Variants in MCM10 observed in about 807,000 individuals in gnomAD.
MCM10 encodes the protein protein MCM10 homolog.
MCM10 carries 91 observed loss-of-function variants against 109.9 expected under a neutral mutation model. The observed-to-expected ratio is 0.83, with a 90% CI of 0.70 to 0.99. The LOEUF (loss-of-function observed/expected upper bound fraction) is 0.99, where lower values mean the gene tolerates loss of function less well. Among genes scored for constraint, MCM10 ranks in the 50% least tolerant of loss-of-function variants. The pLI is 0.00. For missense variants in MCM10, 1,077 were observed against 1,061.2 expected (o/e 1.01, Z -0.21); for synonymous variants, 380 against 387.2 (o/e 0.98, Z 0.22).
Position 13,186,162 on chromosome 10 carries a change from A to G in MCM10, c.1099-2A>G. The G allele has an allele frequency of 6.4e-7, 1 of 1,569,616 alleles. No homozygotes were observed. The highest frequency in any genetic ancestry group is 1.1e-5 in the South Asian group (1 of 89,410). On this transcript the variant is annotated splice_acceptor_variant, in intron 8 of 19. Coordinates refer to ENST00000378714, the MANE Select transcript of MCM10 (RefSeq NM_018518.5). LOFTEE classifies it high-confidence loss of function. ...TAACTCCTGCCCCACCTTTTCTTAC[A>G]GGTGTGTTTATCTATCGATCATCCT...
intron 10 of MCM10, among the ~76,000 whole-genome samples, chr10:13,189,295 C>G (rs190301558): frequency 6.6e-6 from 1 of 151,602 alleles, no homozygotes; most frequent in Admixed American, 6.6e-5. Flanking sequence ...TTGTGTTGGA[C>G]TTTAAGAGAG....
In MCM10 at chr10:13,186,289, C is replaced by T. The variant is rs763322359; in HGVS notation, c.1215+9C>T. 6.4e-7 allele frequency: 1 copy of T among 1,572,018 alleles called. No individual in the cohort carries two copies. Among genetic ancestry groups the T allele is most frequent in the South Asian group, 1.1e-5 (1 of 90,056 alleles). ...CGCAGACTGTGAATTTGGTTGGTTT[C>T]AGCCTTGTTAGGATGGTTTCTGCTA... is the stretch of plus-strand genomic sequence containing the variant. On this transcript the variant is annotated intron_variant, in intron 9 of 19. Transcript: ENST00000378714.
intron 18 of MCM10, among the ~76,000 whole-genome samples, chr10:13,208,020 T>C (rs917963592): frequency 4.0e-5 from 6 of 151,548 alleles, no homozygotes; most frequent in African/African-American, 1.5e-4. Context: ...GTAAACTTCA[T>C]AGGAAATAAG....
intron 6 of MCM10, among the ~76,000 whole-genome samples, chr10:13,180,208 G>A (rs970770063): frequency 4.0e-5 from 6 of 151,498 alleles, no homozygotes; most frequent in Admixed American, 1.3e-4. Flanking sequence ...CCAAAATTGC[G>A]CCACTGCACT....
At chr10:13,174,277 G>A (rs1243458499) in intron 5 of MCM10, among the ~76,000 whole-genome samples, 1 of 150,738 alleles carries the variant, frequency 6.6e-6, no homozygotes, top group African/African-American at 2.4e-5. Context: ...GGAGTAGCAT[G>A]CCCCACCATG....
In MCM10 at chr10:13,170,936, C is replaced by T. The variant is rs1385861603; in HGVS notation, c.22C>T (p.Leu8=). The change falls in exon 3 of 20, where the codon CTG becomes TTG. Residue 8 remains leucine (L), a synonymous_variant. Transcript: ENST00000378714. MDEEEDN[L]SLLTALLEEN... ...TTTTCCCCTAGAGGAGGAAGACAAT[C>T]TGTCTCTGCTGACCGCACTGCTGGA... The T allele has an allele frequency of 3.1e-6, 5 of 1,612,942 alleles. No homozygotes were observed. In the East Asian group the frequency reaches 8.9e-5, roughly 29 times the overall value.
At chr10:13,174,948 G>A (rs1588468016) in intron 5 of MCM10, among the ~76,000 whole-genome samples, 1 of 152,080 alleles carries the variant, frequency 6.6e-6, no homozygotes, top group Non-Finnish European at 1.5e-5. Context: ...GACCAACATG[G>A]AGAAACCCCA....
intron 9 of MCM10, among the ~76,000 whole-genome samples, chr10:13,187,389 C>T (rs146023046): frequency 6.6e-6 from 1 of 152,156 alleles, no homozygotes; most frequent in Non-Finnish European, 1.5e-5. Flanking sequence ...AGTTGATACA[C>T]GCTTGGGTTG....
In MCM10 at chr10:13,171,032, G is replaced by A. The variant is rs1018504619; in HGVS notation, c.118G>A (p.Asp40Asn). The change falls in exon 3 of 20, where the codon GAC becomes AAC. Residue 40 changes from aspartate to asparagine, a missense_variant. Transcript: ENST00000378714. Reference sequence around the variant, plus strand: ...CTTGACGCGGGAAAATGGCGAGCCCGACGCATTTGATGAGCTCTTTGATGC... The same window carrying A: ...CTTGACGCGGGAAAATGGCGAGCCCAACGCATTTGATGAGCTCTTTGATGC... ...NFLTRENGEP[D>N]AFDELFDADG... The A allele has an allele frequency of 3.1e-6, 5 of 1,614,086 alleles. No individual in the cohort carries two copies. The Admixed American group carries it at 5.0e-5, about 16-fold the overall frequency.
At chr10:13,197,825 T>C (rs1834442594) in intron 15 of MCM10, 58 bp downstream of exon 15, 7 of 1,555,952 alleles carry the variant, frequency 4.5e-6, no homozygotes, top group Non-Finnish European at 6.1e-6. Context: ...GGGAAATATG[T>C]TCTAAACCCA....
chr10:13,189,796 G>A lies in MCM10; in HGVS notation c.1415+716G>A, dbSNP rs1834323516. Among the ~76,000 whole-genome samples, 2 of 152,164 alleles carry A rather than the reference G, an allele frequency of 1.3e-5. 1 individual carries two copies. Among genetic ancestry groups the A allele is most frequent in the South Asian group, 4.1e-4 (2 of 4,820 alleles). ...TGAATATACTATGAAGCTTCACATG[G>A]GGAGTGGGGCGATGCTGGGCAGGCA... On this transcript the variant is annotated intron_variant, in intron 10 of 19. Transcript: ENST00000378714.
At chr10:13,188,096 G>A (rs1010924461) in intron 9 of MCM10, among the ~76,000 whole-genome samples, 24 of 152,018 alleles carry the variant, frequency 1.6e-4, no homozygotes, top group African/African-American at 5.3e-4. Context: ...AGTGGGCCAG[G>A]ATCACGCCAC....
At chr10:13,191,431 C>G in intron 11 of MCM10, 32 bp downstream of exon 11, 1 of 1,569,164 alleles carries the variant, frequency 6.4e-7, no homozygotes, top group Non-Finnish European at 8.8e-7. Context: ...AAATTTCTTT[C>G]TCCAGTTTAA....
chr10:13,179,512 C>G (rs547312536), intron 6 of MCM10, among the ~76,000 whole-genome samples: 1 of 152,306 alleles, frequency 6.6e-6, no homozygotes, highest in East Asian at 1.9e-4. Context: ...ATTGTTCAAA[C>G]TTAGCTCTGG....
At chr10:13,197,860 T>C in intron 15 of MCM10, 93 bp downstream of exon 15, 1 of 1,279,352 alleles carries the variant, frequency 7.8e-7, no homozygotes, top group African/African-American at 1.5e-5. Flanking sequence ...TATCAAGCAA[T>C]TACTTCCATT....
chr10:13,166,711 G>A (rs1250687961), intron 2 of MCM10, among the ~76,000 whole-genome samples: 1 of 147,866 alleles, frequency 6.8e-6, no homozygotes, highest in Admixed American at 6.7e-5. Context: ...AGTAAAGAGT[G>A]GGGAGTGGGC....
chr10:13,206,778 T>C (rs998227461), intron 18 of MCM10, among the ~76,000 whole-genome samples: 15 of 150,494 alleles, frequency 1.0e-4, no homozygotes, highest in African/African-American at 3.7e-4. Flanking sequence ...CCATGTTTTT[T>C]CTGGACTTTT....
chr10:13,198,472 T>TTC (rs1834451897), intron 15 of MCM10, among the ~76,000 whole-genome samples: 1 of 152,124 alleles, frequency 6.6e-6, no homozygotes, highest in Non-Finnish European at 1.5e-5. Context: ...GAAAAAGAGA[T>TTC]TCTATTTAGT....
chr10:13,200,398 A>G (rs1424765657), intron 16 of MCM10, among the ~76,000 whole-genome samples: 1 of 152,232 alleles, frequency 6.6e-6, no homozygotes, highest in East Asian at 1.9e-4. Flanking sequence ...CAATCATTGC[A>G]ATGAAAAGGA....
Sources: gnomAD v4.1 joint callset for allele counts (sites outside exome capture counted in the v4.1 genomes callset) on GRCh38, gnomAD v4.1.1 for gene constraint, MANE v1.5 for transcripts, NCBI Gene and HGNC (gene_info 2026-07-23, HGNC 2026-07-21) for gene names.